POLR1A: variants seen among roughly 807,000 people sequenced by gnomAD.
POLR1A encodes DNA-directed RNA polymerase I subunit RPA1.
POLR1A carries 84 observed loss-of-function variants against 205.3 expected under a neutral mutation model. The ratio of observed to expected loss-of-function variants is 0.41; its 90% CI spans 0.34 to 0.49. The LOEUF (loss-of-function observed/expected upper bound fraction) is 0.49. Ranked by LOEUF, POLR1A falls within the 20% of genes least tolerant of loss-of-function variation. The pLI is 0.22. For missense variants in POLR1A, 1,645 were observed against 2,204.5 expected, an observed-to-expected ratio of 0.75 and a Z score of 5.08; for synonymous variants, 799 against 863.7, an observed-to-expected ratio of 0.93 and a Z score of 1.31.
chr2:86,028,166 T>C lies in POLR1A; in HGVS notation c.4898-117A>G. On this transcript the variant is annotated intron_variant, in intron 32 of 33. Coordinates refer to ENST00000263857, the MANE Select transcript of POLR1A (RefSeq NM_015425.6). The surrounding 1 kb of genome is among the most constrained non-coding windows in gnomAD (Gnocchi z 4.5). Reference sequence around the variant, plus strand: ...TGGCTTGGGAGTTAGACTCTGGGGCTCCCCTTCAGCTCCGCCACCTGCTCA... The same window carrying C: ...TGGCTTGGGAGTTAGACTCTGGGGCCCCCCTTCAGCTCCGCCACCTGCTCA... 1.0e-6 allele frequency: 1 copy of C among 975,738 alleles called. No homozygotes were observed. Among genetic ancestry groups the C allele is most frequent in the Non-Finnish European group, 1.6e-6 (1 of 621,552 alleles). The allele number at this position is 975,738 out of a possible 1,614,324, so 60.4% of individuals were successfully genotyped here. A position where few individuals can be genotyped will look rare whatever the true frequency, so the allele number is the denominator to read the frequency against.
intron 1 of POLR1A, among the ~76,000 whole-genome samples, chr2:86,102,516 T>A (rs1673840276): frequency 6.6e-6 from 1 of 152,246 alleles, no homozygotes; most frequent in South Asian, 2.1e-4. Flanking sequence ...GTTCTAGATA[T>A]CAATCTCTCA....
intron 18 of POLR1A, 82 bp downstream of exon 18, chr2:86,048,802 C>A: frequency 1.5e-6 from 2 of 1,292,826 alleles, no homozygotes; most frequent in Non-Finnish European, 2.2e-6. Context: ...CTCTGTAGGG[C>A]CCAGGTGAGA....
intron 4 of POLR1A, among the ~76,000 whole-genome samples, chr2:86,089,242 T>G (rs1218669056): frequency 1.3e-5 from 2 of 152,228 alleles, no homozygotes; most frequent in Admixed American, 6.5e-5. Flanking sequence ...CAGAAGGACC[T>G]CAGGGTTCTA....
intron 6 of POLR1A, among the ~76,000 whole-genome samples, chr2:86,085,825 G>A (rs1352151441): frequency 6.6e-6 from 1 of 152,230 alleles, no homozygotes; most frequent in East Asian, 1.9e-4. Context: ...TCTTTCAGCT[G>A]TAAGAGGTGC....
Position 86,030,218 on chromosome 2 carries a change from G to A in POLR1A, c.4757C>T (p.Pro1586Leu). Residue 1586 changes from proline (P) to leucine (L), a missense_variant, in exon 31 of 34, where the codon CCA (proline) becomes CTA (leucine). By Grantham distance (98) the Pro-to-Leu change is moderately conservative. Transcript: ENST00000263857. Reference protein sequence around the residue: ...LVLNTEGINLPELFKYAEVLD... With the variant: ...LVLNTEGINLLELFKYAEVLD... Reference sequence around the variant, plus strand: ...TACCTCTGCATACTTGAATAGCTCTGGGAGGTTGATTCCTTCTGTGTTTAG... The same window carrying A: ...TACCTCTGCATACTTGAATAGCTCTAGGAGGTTGATTCCTTCTGTGTTTAG... The A allele has an allele frequency of 6.2e-7, 1 of 1,614,066 alleles. No homozygotes were observed. Among genetic ancestry groups the A allele is most frequent in the Non-Finnish European group, 8.5e-7 (1 of 1,179,916 alleles).
In POLR1A at chr2:86,031,393, C is replaced by T; in HGVS notation, c.4515G>A (p.Val1505=). The change falls in exon 30 of 34, where the codon GTG becomes GTA. Residue 1505 remains valine (V), a synonymous_variant. Coordinates refer to ENST00000263857, the MANE Select transcript of POLR1A (RefSeq NM_015425.6). ...PEAMERRVQA[V]REIHPFIDDY... ...CATCTATGAACGGGTGGATCTCACG[C>T]ACAGCCTGGACCCGGCGCTCCATGG... The T allele has an allele frequency of 1.2e-6, 2 of 1,608,230 alleles. No homozygotes were observed. Among genetic ancestry groups the T allele is most frequent in the Non-Finnish European group, 1.7e-6 (2 of 1,176,254 alleles).
At position 86,028,941 on chromosome 2, in the gene POLR1A, GCGTGTCCACTT is replaced by G. The variant is rs145556242; in HGVS notation, c.4780-241_4780-231del. The G allele has an allele frequency of 4.7e-3, 2,428 of 520,908 alleles. 53 individuals are homozygous for G. The highest frequency in any genetic ancestry group is 0.041 in the African/African-American group (2,175 of 52,878). 32.3% of individuals were successfully genotyped at this position (520,908 alleles called of 1,614,324 possible). A position where few individuals can be genotyped will look rare whatever the true frequency, so the allele number is the denominator to read the frequency against. The stretch of plus-strand genomic sequence containing the variant: ...TCTGTATCGTCATTACAAGAATCCA[GCGTGTCCACTT>G]TGGACACGCTTTAGATTCAATGGGA... On this transcript the variant is annotated intron_variant, in intron 31 of 33. Coordinates refer to ENST00000263857, the MANE Select transcript of POLR1A (RefSeq NM_015425.6). The surrounding 1 kb of genome is among the most constrained non-coding windows in gnomAD (Gnocchi z 4.5).
intron 29 of POLR1A, 132 bp from the exon 30 acceptor site, chr2:86,031,767 C>T (rs542192020): frequency 1.1e-4 from 131 of 1,204,274 alleles, no homozygotes; most frequent in African/African-American, 1.1e-3. Context: ...TCCACACTCC[C>T]GGCTCCTCTG....
chr2:86,056,636 G>A (rs1408695270), intron 14 of POLR1A, among the ~76,000 whole-genome samples: 3 of 152,144 alleles, frequency 2.0e-5, no homozygotes, highest in Non-Finnish European at 4.4e-5. Flanking sequence ...TCAAAGGACA[G>A]TCTGGCTCTC....
intron 12 of POLR1A, 152 bp downstream of exon 12, chr2:86,074,878 G>T (rs1218939611): frequency 1.6e-6 from 1 of 614,112 alleles, no homozygotes; most frequent in Non-Finnish European, 2.9e-6. Flanking sequence ...AGACTACAAG[G>T]TGAATCTAAA....
intron 15 of POLR1A, 41 bp downstream of exon 15, chr2:86,054,099 G>A (rs141919466): frequency 0.026 from 41,533 of 1,601,376 alleles, 652 homozygotes; most frequent in Non-Finnish European, 0.03. Flanking sequence ...GTCTAACCCC[G>A]GCACTAGAAG....
intron 13 of POLR1A, among the ~76,000 whole-genome samples, chr2:86,066,256 T>C (rs1212887930): frequency 6.6e-6 from 1 of 152,036 alleles, no homozygotes; most frequent in African/African-American, 2.4e-5. Flanking sequence ...GAAGGGAGAA[T>C]AGCCATTATT....
At chr2:86,065,488 CA>C (rs1368757060) in intron 13 of POLR1A, 23 bp from the exon 14 acceptor site, 13 of 1,594,032 alleles carry the variant, frequency 8.2e-6, no homozygotes, top group Non-Finnish European at 1.1e-5. Flanking sequence ...ACAGACAACA[CA>C]AGAAGAATGA....
At chr2:86,082,126 G>A (rs904731907) in intron 7 of POLR1A, among the ~76,000 whole-genome samples, 3 of 152,006 alleles carry the variant, frequency 2.0e-5, no homozygotes, top group Non-Finnish European at 2.9e-5. Flanking sequence ...ATGAGCCAAC[G>A]TGCCTGGCCT....
chr2:86,097,869 C>T (rs1246970864), intron 3 of POLR1A, among the ~76,000 whole-genome samples: 2 of 151,854 alleles, frequency 1.3e-5, no homozygotes, highest in African/African-American at 4.8e-5. Context: ...TAGTTTCAAA[C>T]AGCTAGAAGG....
At chr2:86,060,927 C>G (rs1228218365) in intron 14 of POLR1A, among the ~76,000 whole-genome samples, 1 of 152,076 alleles carries the variant, frequency 6.6e-6, no homozygotes, top group Non-Finnish European at 1.5e-5. Flanking sequence ...TGGACTTATA[C>G]CAAATTATAG....
chr2:86,083,052 C>G, intron 7 of POLR1A, 30 bp downstream of exon 7: 2 of 1,514,778 alleles, frequency 1.3e-6, no homozygotes, highest in Non-Finnish European at 1.8e-6. Flanking sequence ...TAGAGAAGAT[C>G]AAGGCTATTT....
rs559987619 is a variant in POLR1A, at chr2:86,094,532, T to C, written c.432+4079A>G. On this transcript the variant is annotated intron_variant, in intron 3 of 33. Transcript: ENST00000263857. ...CAGCTATTTCTCCAAGAAGCTTTTT[T>C]AGTGGAGAATGGTATTTAGAAAACA... 3.9e-5 allele frequency among the ~76,000 whole-genome samples: 6 copies of C among 152,314 alleles called. No homozygotes were observed. In the South Asian group the frequency reaches 8.3e-4, roughly 21 times the overall value.
chr2:86,076,428 G>C (rs10175597), intron 11 of POLR1A, among the ~76,000 whole-genome samples: 5,997 of 152,262 alleles, frequency 0.039, 415 homozygotes, highest in African/African-American at 0.14. Context: ...TCCACCCCTG[G>C]ACACTGCTTT....
Sources: allele counts gnomAD v4.1 joint callset (sites outside exome capture counted in the v4.1 genomes callset), GRCh38; gene constraint gnomAD v4.1.1; non-coding constraint Gnocchi (gnomAD v3.1); transcripts MANE v1.5; gene names NCBI Gene and HGNC (gene_info 2026-07-23, HGNC 2026-07-21).